The following AGBL1 variants were observed in gnomAD, a reference collection of about 807,000 sequenced individuals.
AGBL1 encodes cytosolic carboxypeptidase 4.
Under a neutral mutation model 118.9 loss-of-function variants are expected in AGBL1, and 130 were observed. The ratio of observed to expected loss-of-function variants is 1.09; its 90% CI spans 0.95 to 1.26. The LOEUF is 1.26. AGBL1 is among the 50% of genes most tolerant of loss of function. The pLI is 0.00. For missense variants in AGBL1, 1,584 were observed against 1,298.1 expected (o/e 1.22, Z -3.38); for synonymous variants, 555 against 478.9 (o/e 1.16, Z -2.08).
intron 1 of AGBL1, among the ~76,000 whole-genome samples, chr15:86,116,992 A>G (rs1323616811): frequency 2.0e-5 from 3 of 148,476 alleles, no homozygotes; most frequent in Non-Finnish European, 4.5e-5. Context: ...TACTTAGGCC[A>G]GTTGCTTAGT....
chr15:86,191,348 CAAAAA>C (rs869108108), intron 5 of AGBL1, among the ~76,000 whole-genome samples: 5 of 65,106 alleles, frequency 7.7e-5, no homozygotes, highest in East Asian at 5.1e-4. Flanking sequence ...AACTTTGTCT[CAAAAA>C]AAAAAAAAAA....
chr15:86,100,560 G>A (rs188694939), intron 1 of AGBL1, among the ~76,000 whole-genome samples: 106 of 151,964 alleles, frequency 7.0e-4, no homozygotes, highest in African/African-American at 2.4e-3. Context: ...GGTCTATTCA[G>A]GTCTTCTATT....
chr15:86,618,718 T>G (rs2084764241), intron 21 of AGBL1, among the ~76,000 whole-genome samples: 1 of 152,230 alleles, frequency 6.6e-6, no homozygotes, highest in African/African-American at 2.4e-5. Flanking sequence ...ACTCCCATCC[T>G]TACTGCACCA....
chr15:86,621,926 T>G (rs1037211811), intron 21 of AGBL1, among the ~76,000 whole-genome samples: 3 of 152,198 alleles, frequency 2.0e-5, no homozygotes, highest in Admixed American at 2.0e-4. Flanking sequence ...CAATCTTGTT[T>G]TACAGAGTAG....
intron 21 of AGBL1, among the ~76,000 whole-genome samples, chr15:86,644,636 C>CAA (rs202060119): frequency 0.13 from 14,110 of 111,908 alleles, 1,210 homozygotes; most frequent in African/African-American, 0.27. Flanking sequence ...GGCCTGAACT[C>CAA]AAAAAAAAAA....
At chr15:86,365,013 A>ACC (rs1701800235) in intron 17 of AGBL1, among the ~76,000 whole-genome samples, 1 of 141,604 alleles carries the variant, frequency 7.1e-6, no homozygotes, top group Non-Finnish European at 1.5e-5. Context: ...ATATATACAC[A>ACC]CACATATATA....
intron 17 of AGBL1, among the ~76,000 whole-genome samples, chr15:86,311,856 T>C (rs139603790): frequency 1.3e-5 from 2 of 152,338 alleles, no homozygotes; most frequent in East Asian, 3.9e-4. Flanking sequence ...CTGGTGGAAA[T>C]TCTCTCAGTC....
intron 17 of AGBL1, among the ~76,000 whole-genome samples, chr15:86,377,596 T>A (rs2081057679): frequency 1.3e-5 from 2 of 152,212 alleles, no homozygotes; most frequent in African/African-American, 2.4e-5. Flanking sequence ...CTCATTACAT[T>A]TTGTGTTATA....
At chr15:86,338,806 T>C (rs569906400) in intron 17 of AGBL1, among the ~76,000 whole-genome samples, 2 of 152,236 alleles carry the variant, frequency 1.3e-5, no homozygotes, top group South Asian at 2.1e-4. Flanking sequence ...TCCTGGACCA[T>C]TGAAAAAGAG....
In AGBL1 at chr15:86,226,130, C is replaced by A. The variant is rs115405393; in HGVS notation, c.526+1179C>A. 3.4e-3 allele frequency among the ~76,000 whole-genome samples: 518 copies of A among 152,170 alleles called. 2 individuals are homozygous for A. Among genetic ancestry groups the A allele is most frequent in the African/African-American group, 0.012 (506 of 41,538 alleles). On this transcript the variant is annotated intron_variant, in intron 6 of 22. Transcript: ENST00000614907. ...AGGATAGGGGAGTGAAGAGGAAGGG[C>A]TTATGAAGCCCTGGAGATAGGAAGG...
intron 18 of AGBL1, among the ~76,000 whole-genome samples, chr15:86,483,530 C>T (rs1048200505): frequency 1.3e-5 from 2 of 152,114 alleles, no homozygotes; most frequent in African/African-American, 4.8e-5. Flanking sequence ...GGTTTCTCTG[C>T]AGTTCCTCTT....
intron 22 of AGBL1, among the ~76,000 whole-genome samples, chr15:86,798,143 C>A (rs940840515): frequency 4.6e-5 from 7 of 152,180 alleles, no homozygotes; most frequent in Non-Finnish European, 8.8e-5. Context: ...AACAGAAATT[C>A]AGTTTCAATA....
rs553523282 is a variant in AGBL1, at chr15:86,261,270, T to C, written c.970-1508T>C. 2.6e-5 allele frequency among the ~76,000 whole-genome samples: 4 copies of C among 152,288 alleles called. No homozygotes were observed. In the South Asian group the frequency reaches 8.3e-4, roughly 32 times the overall value. On this transcript the variant is annotated intron_variant, in intron 9 of 22. Transcript: ENST00000614907. The stretch of plus-strand genomic sequence containing the variant: ...TCCTTCCCAGTGGCCTTCCAGGTTG[T>C]GTTTCCCTTAGTACCACCCTGGGCC...
chr15:86,379,480 A>T (rs2081084382), intron 17 of AGBL1, among the ~76,000 whole-genome samples: 1 of 152,218 alleles, frequency 6.6e-6, no homozygotes, highest in South Asian at 2.1e-4. Flanking sequence ...GATTGAGTAC[A>T]GTTTGAATAA....
intron 17 of AGBL1, among the ~76,000 whole-genome samples, chr15:86,379,144 T>C (rs4632099): frequency 0.39 from 59,122 of 151,400 alleles, 12,409 homozygotes; most frequent in East Asian, 0.66. Flanking sequence ...AACTCCTCAC[T>C]TCTGATGATC....
intron 18 of AGBL1, among the ~76,000 whole-genome samples, chr15:86,459,117 G>A (rs910108757): frequency 1.3e-5 from 2 of 152,124 alleles, no homozygotes; most frequent in African/African-American, 4.8e-5. Context: ...ATATTCACAC[G>A]TGTTGACATG....
intron 23 of AGBL1, among the ~76,000 whole-genome samples, chr15:86,942,525 A>T (rs8031815): frequency 0.68 from 103,474 of 152,048 alleles, 36,245 homozygotes; most frequent in South Asian, 0.88. Flanking sequence ...CAGTTCCAGG[A>T]ACCAGCAACC....
At chr15:86,999,366 C>T (rs1463758439) in intron 24 of AGBL1, among the ~76,000 whole-genome samples, 2 of 141,668 alleles carry the variant, frequency 1.4e-5, no homozygotes, top group Admixed American at 1.4e-4. Context: ...TGCTATCCCT[C>T]CCCCCTGCCA....
chr15:86,444,673 C>T (rs73455663), intron 18 of AGBL1, among the ~76,000 whole-genome samples: 6,882 of 152,208 alleles, frequency 0.045, 563 homozygotes, highest in African/African-American at 0.16. Context: ...GCAGAAACAT[C>T]CAGCAGCAGA....
Sources: gnomAD v4.1 joint callset for allele counts (sites outside exome capture counted in the v4.1 genomes callset) on GRCh38, gnomAD v4.1.1 for gene constraint, MANE v1.5 for transcripts, NCBI Gene and HGNC (gene_info 2026-07-23, HGNC 2026-07-21) for gene names.